GSTCD: variants seen among roughly 807,000 people sequenced by gnomAD.
GSTCD encodes glutathione S-transferase C-terminal domain-containing protein.
A neutral mutation model predicts 68.3 loss-of-function variants in GSTCD; 44 were observed. The observed-to-expected ratio is 0.64, with a 90% CI of 0.51 to 0.83. GSTCD has a LOEUF of 0.83. Ranked by LOEUF, GSTCD falls within the 40% of genes least tolerant of loss-of-function variation. GSTCD has a pLI of 0.00. For synonymous variants in GSTCD, 273 were observed against 255.2 expected (o/e 1.07, Z -0.67); for missense variants, 739 against 735.9 (o/e 1.00, Z -0.05).
chr4:105,766,887 C>CTTTTTTTTTTTTTTTTTTTTTTTTTTTTT lies in GSTCD; in HGVS notation c.1240+37413_1240+37414insTTTTTTTTTTTTTTTTTTTTTTTTTTTTT. Among the ~76,000 whole-genome samples the CTTTTTTTTTTTTTTTTTTTTTTTTTTTTT allele has an allele frequency of 1.6e-4, 9 of 57,132 alleles. 2 individuals are homozygous for CTTTTTTTTTTTTTTTTTTTTTTTTTTTTT. The highest frequency in any genetic ancestry group is 7.2e-4 in the African/African-American group (9 of 12,440). 37.5% of individuals were successfully genotyped at this position (57,132 alleles called of 152,430 possible). A position where few individuals can be genotyped will look rare whatever the true frequency, so the allele number is the denominator to read the frequency against. ...CAAAAGCATGAATAGGTTTTTGACTCTTTTTTTTTTTTTTTTTTTTTTTTT... is the reference window on the plus strand; with the variant it reads ...CAAAAGCATGAATAGGTTTTTGACTCTTTTTTTTTTTTTTTTTTTTTTTTTTTTTTTTTTTTTTTTTTTTTTTTTTTTTT... On this transcript the variant is annotated intron_variant, in intron 5 of 11. Transcript: ENST00000515279.
intron 5 of GSTCD, among the ~76,000 whole-genome samples, chr4:105,748,488 C>T (rs1053755197): frequency 4.6e-5 from 7 of 152,024 alleles, no homozygotes; most frequent in East Asian, 3.9e-4. Flanking sequence ...ATTCTCAATA[C>T]GCATTTTGTT....
At chr4:105,805,699 G>A (rs890575539) in intron 5 of GSTCD, among the ~76,000 whole-genome samples, 2 of 152,028 alleles carry the variant, frequency 1.3e-5, no homozygotes, top group African/African-American at 4.8e-5. Context: ...AATGGGTCAG[G>A]AAGGGATTAA....
intron 10 of GSTCD, among the ~76,000 whole-genome samples, chr4:105,838,839 C>A (rs992956309): frequency 3.3e-5 from 5 of 152,112 alleles, no homozygotes; most frequent in African/African-American, 1.2e-4. Flanking sequence ...TTGACAAATT[C>A]ATTTGGATTC....
In GSTCD at chr4:105,847,518, C is replaced by T. The variant is rs1724598730; in HGVS notation, c.*1941C>T. 1 of 152,114 alleles carries T rather than the reference C, an allele frequency of 6.6e-6. No homozygotes were observed. Among genetic ancestry groups the T allele is most frequent in the Non-Finnish European group, 1.5e-5 (1 of 68,030 alleles). The allele number at this position is 152,114 out of a possible 1,614,324, so 9.4% of individuals were successfully genotyped here. On this transcript the variant is annotated 3_prime_UTR_variant, in exon 12 of 12. Coordinates refer to ENST00000515279, the MANE Select transcript of GSTCD (RefSeq NM_001370181.1). ...AGATGTTTTGACAACTGTATATATA[C>T]ATGTAACCATCACTGGAATCAGATA...
At chr4:105,740,176 T>G (rs1733587534) in intron 5 of GSTCD, among the ~76,000 whole-genome samples, 1 of 152,026 alleles carries the variant, frequency 6.6e-6, no homozygotes, top group Admixed American at 6.6e-5. Flanking sequence ...CAAGACATAG[T>G]GTCAGCTCCT....
At chr4:105,832,005 G>A (rs753688591) in intron 8 of GSTCD, among the ~76,000 whole-genome samples, 61 of 152,106 alleles carry the variant, frequency 4.0e-4, no homozygotes, top group African/African-American at 1.3e-3. Context: ...CTTATTGCAC[G>A]TAGATTTTTA....
At chr4:105,739,669 A>G (rs1278392932) in intron 5 of GSTCD, among the ~76,000 whole-genome samples, 1 of 152,180 alleles carries the variant, frequency 6.6e-6, no homozygotes, top group African/African-American at 2.4e-5. Context: ...ACAGAGGGGT[A>G]TGACTGCTTT....
In GSTCD at chr4:105,756,598, AT is replaced by A. The variant is rs1479133327; in HGVS notation, c.1240+27100del. 1.6e-4 allele frequency among the ~76,000 whole-genome samples: 24 copies of A among 150,574 alleles called. No individual in the cohort carries two copies. The East Asian group carries it at 4.5e-3, about 28-fold the overall frequency. On this transcript the variant is annotated intron_variant, in intron 5 of 11. Coordinates refer to ENST00000515279, the MANE Select transcript of GSTCD (RefSeq NM_001370181.1). ...TGTGTGTGTATATATATATATATATATATAATATGTCTTATTATTTCACCGA... is the reference window on the plus strand; with the variant it reads ...TGTGTGTGTATATATATATATATATAATAATATGTCTTATTATTTCACCGA...
intron 5 of GSTCD, among the ~76,000 whole-genome samples, chr4:105,770,436 A>T (rs1336096299): frequency 6.6e-6 from 1 of 151,670 alleles, no homozygotes; most frequent in African/African-American, 2.4e-5. Context: ...GGTTTGTTAA[A>T]TAAGTATACA....
At chr4:105,784,071 G>A (rs998414959) in intron 5 of GSTCD, among the ~76,000 whole-genome samples, 3 of 152,184 alleles carry the variant, frequency 2.0e-5, no homozygotes, top group African/African-American at 7.2e-5. Context: ...GCACCTGCCA[G>A]GTTTCTGTAC....
At chr4:105,717,190 CAGTATGGA>C (rs944856219) in intron 1 of GSTCD, among the ~76,000 whole-genome samples, 1 of 152,100 alleles carries the variant, frequency 6.6e-6, no homozygotes, top group African/African-American at 2.4e-5. Context: ...AAAAAAGAAG[CAGTATGGA>C]AGGACCAGCA....
At chr4:105,791,089 T>C (rs1288735036) in intron 5 of GSTCD, among the ~76,000 whole-genome samples, 1 of 151,714 alleles carries the variant, frequency 6.6e-6, no homozygotes, top group South Asian at 2.1e-4. Flanking sequence ...AATAGAGAAG[T>C]CTATTAAGAA....
At chr4:105,784,353 CAG>C (rs1481833951) in intron 5 of GSTCD, among the ~76,000 whole-genome samples, 1 of 152,200 alleles carries the variant, frequency 6.6e-6, no homozygotes, top group Non-Finnish European at 1.5e-5. Flanking sequence ...GCACATGAGA[CAG>C]AGAGAGACAC....
chr4:105,709,950 C>T (rs1228395938), intron 1 of GSTCD, among the ~76,000 whole-genome samples: 1 of 151,794 alleles, frequency 6.6e-6, no homozygotes, highest in Non-Finnish European at 1.5e-5. Flanking sequence ...ATTTAATAAA[C>T]ATTAAGCTAT....
intron 8 of GSTCD, among the ~76,000 whole-genome samples, chr4:105,833,687 T>A (rs1296448972): frequency 6.6e-6 from 1 of 152,132 alleles, no homozygotes; most frequent in East Asian, 1.9e-4. Context: ...GAGAGTCCTA[T>A]TTAGGCTTTA....
intron 5 of GSTCD, among the ~76,000 whole-genome samples, chr4:105,734,662 A>G (rs1281604449): frequency 6.6e-6 from 1 of 152,164 alleles, no homozygotes; most frequent in African/African-American, 2.4e-5. Flanking sequence ...GATTGTCTGA[A>G]GCCTTCTTCT....
intron 5 of GSTCD, among the ~76,000 whole-genome samples, chr4:105,765,841 T>C (rs1734583977): frequency 6.6e-6 from 1 of 152,114 alleles, no homozygotes; most frequent in Non-Finnish European, 1.5e-5. Context: ...TGCACTTGTC[T>C]CTCCTGCCAC....
chr4:105,760,167 CAA>C (rs34613169), intron 5 of GSTCD, among the ~76,000 whole-genome samples: 2,693 of 135,736 alleles, frequency 0.02, 81 homozygotes, highest in African/African-American at 0.068. Flanking sequence ...AAAAAATAGG[CAA>C]AAAAAAAAAA....
intron 7 of GSTCD, among the ~76,000 whole-genome samples, chr4:105,824,543 A>G (rs1434811328): frequency 6.6e-6 from 1 of 152,166 alleles, no homozygotes; most frequent in Non-Finnish European, 1.5e-5. Flanking sequence ...TAAGAACAAA[A>G]TAAGAACTAG....
Sources: gnomAD v4.1 joint callset for allele counts (sites outside exome capture counted in the v4.1 genomes callset) on GRCh38, gnomAD v4.1.1 for gene constraint, MANE v1.5 for transcripts, NCBI Gene and HGNC (gene_info 2026-07-23, HGNC 2026-07-21) for gene names.